KMT2E: variants seen among roughly 807,000 people sequenced by gnomAD.
KMT2E encodes histone reader KMT2E.
Under a neutral mutation model 184.6 loss-of-function variants are expected in KMT2E, and 30 were observed. That is an observed-to-expected ratio of 0.16 (90% CI 0.12 to 0.22). KMT2E has a LOEUF of 0.22. Among genes scored for constraint, KMT2E ranks in the 10% least tolerant of loss-of-function variants. The pLI is 1.00. For missense variants in KMT2E, 2,023 were observed against 2,237.4 expected, an observed-to-expected ratio of 0.90 and a Z score of 1.93; for synonymous variants, 815 against 776.5, an observed-to-expected ratio of 1.05 and a Z score of -0.82.
At position 105,014,309 on chromosome 7, in the gene KMT2E, C is replaced by T. The variant is rs1400833993; in HGVS notation, c.-415C>T. The stretch of plus-strand genomic sequence containing the variant: ...TGGGCATAGACACTCCGAGCAGCCT[C>T]GCCGTCGTCTCTGCGTTCCTGTTGA... On this transcript the variant is annotated 5_prime_UTR_variant, in exon 1 of 27. Transcript: ENST00000311117. The T allele has an allele frequency of 6.4e-6, 1 of 156,316 alleles. No homozygotes were observed. The highest frequency in any genetic ancestry group is 6.5e-5 in the Admixed American group (1 of 15,354). The allele number at this position is 156,316 out of a possible 1,614,324, so 9.7% of individuals were successfully genotyped here. A position where few individuals can be genotyped will look rare whatever the true frequency, so the allele number is the denominator to read the frequency against.
chr7:105,051,882 C>T (rs1796365541), intron 3 of KMT2E, among the ~76,000 whole-genome samples: 1 of 152,186 alleles, frequency 6.6e-6, no homozygotes, highest in African/African-American at 2.4e-5. Context: ...AACCGCCGCG[C>T]CTGGCCAAAA....
chr7:105,113,475 T>A lies in KMT2E; in HGVS notation c.*142T>A. On this transcript the variant is annotated 3_prime_UTR_variant, in exon 27 of 27. Coordinates refer to ENST00000311117, the MANE Select transcript of KMT2E (RefSeq NM_182931.3). ...TGCTCTTTCGTTGTATTTTTCTCAT[T>A]TTTGCTTTTTAAAATTCCTTTAAAA... The A allele has an allele frequency of 1.0e-6, 1 of 988,248 alleles. No homozygotes were observed. Among genetic ancestry groups the A allele is most frequent in the Non-Finnish European group, 1.4e-6 (1 of 709,092 alleles). 61.2% of individuals were successfully genotyped at this position (988,248 alleles called of 1,614,324 possible). A position where few individuals can be genotyped will look rare whatever the true frequency, so the allele number is the denominator to read the frequency against.
At chr7:105,078,123 A>T (rs1477601650) in intron 11 of KMT2E, among the ~76,000 whole-genome samples, 2 of 152,372 alleles carry the variant, frequency 1.3e-5, no homozygotes, top group Non-Finnish European at 1.5e-5. Context: ...TATGAAAGAT[A>T]CACAGCAATT....
chr7:105,100,693 C>T (rs1798616769), intron 15 of KMT2E, among the ~76,000 whole-genome samples: 1 of 152,168 alleles, frequency 6.6e-6, no homozygotes, highest in Non-Finnish European at 1.5e-5. Flanking sequence ...ATAAGAATTA[C>T]AATGGAGGGC....
Position 105,077,284 on chromosome 7 carries a change from A to G in KMT2E, c.1000-19A>G, listed in dbSNP as rs1031131102. The G allele has an allele frequency of 3.7e-6, 6 of 1,605,138 alleles. No individual in the cohort carries two copies. Among genetic ancestry groups the G allele is most frequent in the African/African-American group, 1.3e-5 (1 of 74,452 alleles). On this transcript the variant is annotated intron_variant, in intron 10 of 26. Transcript: ENST00000311117. ...AAACAAGCAAGTTTATTTAATCTCAACATTTACTCTGATTTTAGAGCCATA... is the reference window on the plus strand; with the variant it reads ...AAACAAGCAAGTTTATTTAATCTCAGCATTTACTCTGATTTTAGAGCCATA...
chr7:105,075,042 T>C (rs1797469171), intron 8 of KMT2E, among the ~76,000 whole-genome samples: 1 of 152,222 alleles, frequency 6.6e-6, no homozygotes, highest in Admixed American at 6.5e-5. Context: ...TTTAATGAGA[T>C]TAGTCACTAT....
chr7:105,071,600 ATATATATATTTTTTTT>A (rs1342942249), intron 6 of KMT2E, among the ~76,000 whole-genome samples: 9 of 66,114 alleles, frequency 1.4e-4, no homozygotes, highest in African/African-American at 5.8e-4. Flanking sequence ...ATATATATAT[ATATATATATTTTTTTT>A]TTTTTTTTTT....
At chr7:105,105,742 T>C (rs1215174188) in intron 18 of KMT2E, 49 bp downstream of exon 18, 2 of 1,575,406 alleles carry the variant, frequency 1.3e-6, no homozygotes, top group Non-Finnish European at 8.6e-7. Flanking sequence ...AAATGCCAAC[T>C]CATTCCTTAC....
At chr7:105,109,252 A>G (rs1334669379) in intron 23 of KMT2E, 24 bp downstream of exon 23, 2 of 1,600,882 alleles carry the variant, frequency 1.2e-6, no homozygotes, top group Admixed American at 1.7e-5. Flanking sequence ...GAAGTATGCT[A>G]CTCTGGAAAA....
chr7:105,064,164 G>GTTTTT (rs66946883), intron 5 of KMT2E: 1,257 of 76,120 alleles, frequency 0.017, 78 homozygotes, highest in East Asian at 0.054. Context: ...TTTTTTCTTG[G>GTTTTT]TTTTTTTTTT....
intron 1 of KMT2E, among the ~76,000 whole-genome samples, chr7:105,037,219 T>C (rs1272849309): frequency 1.3e-5 from 2 of 152,216 alleles, no homozygotes; most frequent in Non-Finnish European, 2.9e-5. Context: ...GACAGAAATA[T>C]AATAAATGGC....
intron 15 of KMT2E, among the ~76,000 whole-genome samples, chr7:105,096,736 G>T (rs1385050610): frequency 6.6e-6 from 1 of 152,210 alleles, no homozygotes; most frequent in African/African-American, 2.4e-5. Context: ...TAGACAGACA[G>T]ATACAGGCCC....
At chr7:105,074,966 C>A in intron 8 of KMT2E, 151 bp downstream of exon 8, 1 of 587,128 alleles carries the variant, frequency 1.7e-6, no homozygotes, top group Non-Finnish European at 2.7e-6. Context: ...CTTACTTGAA[C>A]ATTTTAACGT....
At chr7:105,016,803 G>C (rs908145281) in intron 1 of KMT2E, among the ~76,000 whole-genome samples, 7 of 152,138 alleles carry the variant, frequency 4.6e-5, no homozygotes, top group South Asian at 4.1e-4. Flanking sequence ...AAATATTTTA[G>C]AGCAGCATTT....
intron 3 of KMT2E, among the ~76,000 whole-genome samples, chr7:105,049,474 G>T (rs1411762387): frequency 2.6e-5 from 4 of 151,818 alleles, no homozygotes; most frequent in Non-Finnish European, 5.9e-5. Flanking sequence ...CTAATTCAGT[G>T]CTCTAAATTA....
intron 19 of KMT2E, 32 bp from the exon 20 acceptor site, chr7:105,106,490 T>G (rs776782258): frequency 3.2e-6 from 5 of 1,556,588 alleles, no homozygotes; most frequent in Non-Finnish European, 4.4e-6. Context: ...AGCAACAGTG[T>G]AATTTCTTAC....
chr7:105,081,109 C>T (rs1342193154), intron 12 of KMT2E, among the ~76,000 whole-genome samples: 2 of 147,030 alleles, frequency 1.4e-5, no homozygotes, highest in South Asian at 2.2e-4. Context: ...AGGCTGGGTG[C>T]GGTGGCTCAC....
chr7:105,099,497 G>A (rs1798566467), intron 15 of KMT2E, among the ~76,000 whole-genome samples: 2 of 152,116 alleles, frequency 1.3e-5, no homozygotes, highest in South Asian at 4.1e-4. Flanking sequence ...GTTTACAGGG[G>A]AGTTTGATTT....
In KMT2E at chr7:105,107,170, T is replaced by C; in HGVS notation, c.2852T>C (p.Ile951Thr). 2 of 1,493,672 alleles carry C rather than the reference T, an allele frequency of 1.3e-6. No individual in the cohort carries two copies. The highest frequency in any genetic ancestry group is 1.2e-5 in the South Asian group (1 of 80,404). The allele number at this position is 1,493,672 out of a possible 1,614,324, so 92.5% of individuals were successfully genotyped here. ...TPGNTMHFEN[I>T]SSPESSPEIK... is the part of the protein sequence containing the mutation. ...TAATTCTTTCTTTATATACAGAATA[T>C]TTCTTCCCCAGAAAGTTCTCCAGAA... Residue 951 changes from isoleucine (I) to threonine (T), a missense_variant, in exon 21 of 27, where the codon ATT becomes ACT. Ile to Thr is a moderately conservative substitution (Grantham distance 89). Around this residue, in one of 8 missense-constraint regions of KMT2E, gnomAD observed 514 missense variants for 621.8 expected, o/e 0.83. Coordinates refer to ENST00000311117, the MANE Select transcript of KMT2E (RefSeq NM_182931.3).
Sources: allele counts gnomAD v4.1 joint callset (sites outside exome capture counted in the v4.1 genomes callset), GRCh38; gene constraint gnomAD v4.1.1; regional missense constraint gnomAD v4.1.1; transcripts MANE v1.5; gene names NCBI Gene and HGNC (gene_info 2026-07-23, HGNC 2026-07-21).